Variants in KLHDC4 observed in about 807,000 individuals in gnomAD.
KLHDC4 encodes the protein kelch domain-containing protein 4.
KLHDC4 carries 90 observed loss-of-function variants against 62.4 expected under a neutral mutation model. The ratio of observed to expected loss-of-function variants is 1.44; its 90% CI spans 1.22 to 1.72. The LOEUF (loss-of-function observed/expected upper bound fraction) is 1.72. Among genes scored for constraint, KLHDC4 ranks in the 40% most tolerant of loss-of-function variants. The pLI, the probability that KLHDC4 is intolerant of heterozygous loss-of-function variation, is 0.00. For synonymous variants in KLHDC4, 386 were observed against 284.4 expected, an observed-to-expected ratio of 1.36 and a Z score of -3.59; for missense variants, 1,025 against 699.7, an observed-to-expected ratio of 1.47 and a Z score of -5.25.
In KLHDC4 at chr16:87,762,023, G is replaced by A. The variant is rs376147322; in HGVS notation, c.117C>T (p.Leu39=). 6.2e-7 allele frequency: 1 copy of A among 1,613,914 alleles called. No individual in the cohort carries two copies. Among genetic ancestry groups the A allele is most frequent in the Non-Finnish European group, 8.5e-7 (1 of 1,179,898 alleles). ...SRKEEEDLEA[L]IAHFQTLDAK... is the part of the protein sequence containing the mutation. The stretch of plus-strand genomic sequence containing the variant: ...CATCGAGTGTCTGGAAATGGGCTAT[G>A]AGCGCTTCCAGGTCTTCCTAGGGCA... Residue 39 remains leucine (L), a synonymous_variant, in exon 2 of 12, where the codon CTC becomes CTT. Transcript: ENST00000270583.
At chr16:87,754,247 G>A (rs1162627673) in intron 4 of KLHDC4, among the ~76,000 whole-genome samples, 1 of 152,090 alleles carries the variant, frequency 6.6e-6, no homozygotes, top group Non-Finnish European at 1.5e-5. Context: ...TCAGGAGGCT[G>A]GGGCAGGAGA....
At chr16:87,719,043 G>C (rs972751739) in intron 7 of KLHDC4, among the ~76,000 whole-genome samples, 2 of 151,044 alleles carry the variant, frequency 1.3e-5, no homozygotes, top group Admixed American at 6.6e-5. Flanking sequence ...CACCCCATCC[G>C]GGAGGTGGGG....
chr16:87,720,997 G>GC (rs2038189748), intron 7 of KLHDC4, among the ~76,000 whole-genome samples: 1 of 152,172 alleles, frequency 6.6e-6, no homozygotes, highest in East Asian at 1.9e-4. Flanking sequence ...CTGAAGCTGG[G>GC]CCCCAGGGCA....
intron 1 of KLHDC4, among the ~76,000 whole-genome samples, chr16:87,765,507 G>A (rs1439055104): frequency 6.6e-6 from 1 of 152,102 alleles, no homozygotes; most frequent in African/African-American, 2.4e-5. Context: ...GAAGGGAGGA[G>A]GGGGAGGAAA....
chr16:87,728,151 C>A (rs1460705437), intron 6 of KLHDC4, among the ~76,000 whole-genome samples: 1 of 152,176 alleles, frequency 6.6e-6, no homozygotes, highest in Non-Finnish European at 1.5e-5. Context: ...CGCCACTGCA[C>A]TCCAGCCTGG....
At chr16:87,759,373 G>A (rs978983468) in intron 2 of KLHDC4, among the ~76,000 whole-genome samples, 13 of 138,376 alleles carry the variant, frequency 9.4e-5, no homozygotes, top group African/African-American at 3.6e-4. Flanking sequence ...AGCTGAGATC[G>A]CGCCATAGCA....
At chr16:87,741,851 C>T (rs1466270140) in intron 5 of KLHDC4, among the ~76,000 whole-genome samples, 1 of 152,214 alleles carries the variant, frequency 6.6e-6, no homozygotes, top group East Asian at 1.9e-4. Flanking sequence ...GAAAAACCAA[C>T]TCCCCCACAG....
chr16:87,753,692 T>C (rs894589492), intron 4 of KLHDC4, among the ~76,000 whole-genome samples: 3 of 151,878 alleles, frequency 2.0e-5, no homozygotes, highest in Non-Finnish European at 2.9e-5. Flanking sequence ...TCCCAGCTAC[T>C]TGGGAGGCTA....
intron 3 of KLHDC4, 118 bp downstream of exon 3, chr16:87,756,281 G>A: frequency 1.4e-6 from 1 of 739,544 alleles, no homozygotes; most frequent in Non-Finnish European, 2.3e-6. Context: ...GACGGCTCAA[G>A]CGCGTGATAC....
At chr16:87,721,797 C>A (rs1277506329) in intron 7 of KLHDC4, among the ~76,000 whole-genome samples, 1 of 152,234 alleles carries the variant, frequency 6.6e-6, no homozygotes, top group Non-Finnish European at 1.5e-5. Flanking sequence ...TATGCATGGA[C>A]GTTATCTCCT....
chr16:87,756,345 T>C (rs2044893844), intron 3 of KLHDC4, 54 bp downstream of exon 3: 1 of 1,316,820 alleles, frequency 7.6e-7, no homozygotes, highest in South Asian at 1.2e-5. Context: ...GTTAACTTTC[T>C]GTCAAATGAT....
intron 5 of KLHDC4, among the ~76,000 whole-genome samples, chr16:87,745,716 C>T (rs1376571584): frequency 6.6e-6 from 1 of 152,012 alleles, no homozygotes; most frequent in Non-Finnish European, 1.5e-5. Flanking sequence ...AGGCTGAGGC[C>T]ATGGGGACAG....
chr16:87,704,956 C>T (rs2034484610), downstream of KLHDC4, among the ~76,000 whole-genome samples: 1 of 152,042 alleles, frequency 6.6e-6, no homozygotes, highest in Non-Finnish European at 1.5e-5. Flanking sequence ...CAAGACGATT[C>T]ATCCTTTAAA....
chr16:87,755,692 G>A (rs1475633874), intron 3 of KLHDC4: 1 of 188,680 alleles, frequency 5.3e-6, no homozygotes, highest in East Asian at 1.5e-4. Flanking sequence ...CAGCCTCCAA[G>A]TAGCTAGGAC....
At chr16:87,707,043 T>C (rs901109336), downstream of KLHDC4, among the ~76,000 whole-genome samples, 2 of 152,236 alleles carry the variant, frequency 1.3e-5, no homozygotes, top group Non-Finnish European at 2.9e-5. Flanking sequence ...AGCCCCGTTA[T>C]AGAAAACTAA....
At chr16:87,701,650 C>T (rs561113093) in exon 1 of KLHDC4, 13 of 453,962 alleles carry the variant, frequency 2.9e-5, no homozygotes, top group Admixed American at 9.4e-5. Context: ...CACTGCCACT[C>T]GTCCGCCTCG....
At chr16:87,747,028 G>A (rs1313572158) in intron 5 of KLHDC4, among the ~76,000 whole-genome samples, 1 of 152,198 alleles carries the variant, frequency 6.6e-6, no homozygotes, top group Non-Finnish European at 1.5e-5. Flanking sequence ...CCAAGAGAGG[G>A]GCCAGGGCCA....
rs373718692 is a variant in KLHDC4 at position 87,709,492 on chromosome 16, G to T, written c.1220C>A (p.Ser407Ter). Residue 407 changes from serine to a stop codon, truncating the protein, a stop_gained, in exon 10 of 12, where the codon TCG (serine) becomes TAG (stop). Transcript: ENST00000270583. LOFTEE classifies it high-confidence loss of function. ...GTCCTCAGACCGGGGCTGCCCCGCCGAGCCTGGCGCGGTGAGCACCTGCTT... is the reference window on the plus strand; with the variant it reads ...GTCCTCAGACCGGGGCTGCCCCGCCTAGCCTGGCGCGGTGAGCACCTGCTT... Reference protein sequence around the residue: ...TIKQVLTAPGSAGQPRSEDED... With the variant: ...TIKQVLTAPG 1.1e-4 allele frequency: 174 copies of T among 1,611,726 alleles called. No individual in the cohort carries two copies. The highest frequency in any genetic ancestry group is 1.4e-4 in the Non-Finnish European group (168 of 1,179,856).
At chr16:87,754,842 T>C (rs2044608140) in intron 4 of KLHDC4, among the ~76,000 whole-genome samples, 2 of 152,202 alleles carry the variant, frequency 1.3e-5, no homozygotes, top group African/African-American at 2.4e-5. Context: ...CCTTCCACCA[T>C]GCACACCTTT....
Sources: gnomAD v4.1 joint callset for allele counts (sites outside exome capture counted in the v4.1 genomes callset) on GRCh38, gnomAD v4.1.1 for gene constraint, MANE v1.5 for transcripts, NCBI Gene and HGNC (gene_info 2026-07-23, HGNC 2026-07-21) for gene names.